GREM2: variants seen among roughly 807,000 people sequenced by gnomAD.
GREM2 encodes gremlin 2, DAN family BMP antagonist.
In GREM2, 11 loss-of-function variants were observed where a neutral mutation model predicts 14.2. The observed-to-expected ratio is 0.78, with a 90% CI of 0.49 to 1.28. The LOEUF (loss-of-function observed/expected upper bound fraction) is 1.28. GREM2 is among the 50% of genes most tolerant of loss of function. The pLI is 0.00. For synonymous variants in GREM2, 98 were observed against 97.6 expected (o/e 1.00, Z -0.02); for missense variants, 210 against 218.5 (o/e 0.96, Z 0.24).
chr1:240,517,963 G>A (rs144679043), intron 1 of GREM2, among the ~76,000 whole-genome samples: 12 of 152,228 alleles, frequency 7.9e-5, no homozygotes, highest in African/African-American at 2.9e-4. Context: ...ATTATAGCTA[G>A]GAACACACAT....
intron 1 of GREM2, among the ~76,000 whole-genome samples, chr1:240,514,966 A>AC (rs1491320841): frequency 1.1e-4 from 2 of 18,614 alleles, no homozygotes; most frequent in East Asian, 8.9e-3. Context: ...AAACAAACAC[A>AC]AAAAAAAAAC....
intron 1 of GREM2, among the ~76,000 whole-genome samples, chr1:240,573,822 T>G (rs1000182593): frequency 2.0e-5 from 3 of 152,132 alleles, no homozygotes; most frequent in Non-Finnish European, 4.4e-5. Flanking sequence ...ATAGCCTGAG[T>G]TGCGGGTAGA....
At position 240,494,809 on chromosome 1, in the gene GREM2, GAGA is replaced by G. The variant is rs565026117; in HGVS notation, c.-1-1336_-1-1334del. Among the ~76,000 whole-genome samples, 1,504 of 152,300 alleles carry G rather than the reference GAGA, an allele frequency of 9.9e-3. 11 individuals carry two copies. Among genetic ancestry groups the G allele is most frequent in the Non-Finnish European group, 0.015 (1,024 of 68,034 alleles). On this transcript the variant is annotated intron_variant, in intron 1 of 1. Transcript: ENST00000318160. Reference sequence around the variant, plus strand: ...CCAGCTACTTGGGAGGCTGAGGCAGGAGAATGGCGTGAACCCGGGAGGCGGAGC... The same window carrying G: ...CCAGCTACTTGGGAGGCTGAGGCAGGATGGCGTGAACCCGGGAGGCGGAGC...
intron 1 of GREM2, among the ~76,000 whole-genome samples, chr1:240,545,990 G>A (rs1273096067): frequency 1.3e-5 from 2 of 152,184 alleles, no homozygotes; most frequent in East Asian, 1.9e-4. Context: ...AATTAACAAC[G>A]GTTAATTTTC....
chr1:240,598,244 T>C (rs556938359), intron 1 of GREM2, among the ~76,000 whole-genome samples: 2 of 152,346 alleles, frequency 1.3e-5, no homozygotes, highest in Admixed American at 1.3e-4. Flanking sequence ...AAAGGGACTT[T>C]TGGTAGCCAA....
At chr1:240,604,633 A>G (rs1270592918) in intron 1 of GREM2, among the ~76,000 whole-genome samples, 1 of 152,078 alleles carries the variant, frequency 6.6e-6, no homozygotes, top group East Asian at 1.9e-4. Flanking sequence ...TTTTTCTATC[A>G]AATGTCACAG....
At chr1:240,553,306 T>C (rs1353806095) in intron 1 of GREM2, among the ~76,000 whole-genome samples, 1 of 152,202 alleles carries the variant, frequency 6.6e-6, no homozygotes, top group Non-Finnish European at 1.5e-5. Flanking sequence ...AGCTATTCTC[T>C]GATTCTCTTG....
At chr1:240,578,848 C>T (rs1042009844) in intron 1 of GREM2, among the ~76,000 whole-genome samples, 4 of 151,914 alleles carry the variant, frequency 2.6e-5, no homozygotes, top group Admixed American at 1.3e-4. Context: ...TTTCAAGACT[C>T]TTCAGTAGAC....
intron 1 of GREM2, among the ~76,000 whole-genome samples, chr1:240,606,439 C>T (rs1219953751): frequency 6.6e-6 from 1 of 152,086 alleles, no homozygotes; most frequent in Non-Finnish European, 1.5e-5. Context: ...AAAACAATGC[C>T]ATAGATTTTC....
chr1:240,602,968 G>C (rs572716824), intron 1 of GREM2, among the ~76,000 whole-genome samples: 245 of 152,220 alleles, frequency 1.6e-3, no homozygotes, highest in African/African-American at 4.5e-3. Context: ...AGCTACTCGG[G>C]AGGCTGAGGC....
chr1:240,590,500 G>A (rs1039246420), intron 1 of GREM2, among the ~76,000 whole-genome samples: 34 of 151,316 alleles, frequency 2.2e-4, no homozygotes, highest in Non-Finnish European at 3.8e-4. Flanking sequence ...GGCGATCCTG[G>A]CTCACTGCAA....
rs973335682 is a variant in GREM2, at chr1:240,493,122, C to G, written c.354G>C (p.Gln118His). ...GCTGGGGCTTGCAGAAGGCGCAGGA[C>G]TGGAAGGACTCCTCCTCCTTCTTCA... ...RHVKKEEESF[Q>H]SCAFCKPQRV... Residue 118 changes from glutamine to histidine, a missense_variant, in exon 2 of 2, where the codon CAG (glutamine) becomes CAC (histidine). Transcript: ENST00000318160. The G allele has an allele frequency of 3.7e-6, 6 of 1,614,080 alleles. No individual in the cohort carries two copies. The highest frequency in any genetic ancestry group is 5.1e-6 in the Non-Finnish European group (6 of 1,180,040).
intron 1 of GREM2, among the ~76,000 whole-genome samples, chr1:240,562,898 G>C (rs1422145114): frequency 1.3e-5 from 2 of 150,886 alleles, no homozygotes; most frequent in African/African-American, 2.4e-5. Context: ...GAGTGTGTAT[G>C]TGTGTATGTA....
chr1:240,578,982 C>T (rs1679427259), intron 1 of GREM2, among the ~76,000 whole-genome samples: 1 of 152,098 alleles, frequency 6.6e-6, no homozygotes, highest in Non-Finnish European at 1.5e-5. Flanking sequence ...AAAACACCTT[C>T]ACATTCAGGT....
intron 1 of GREM2, among the ~76,000 whole-genome samples, chr1:240,572,714 A>C (rs1489538400): frequency 6.6e-6 from 1 of 152,228 alleles, no homozygotes; most frequent in African/African-American, 2.4e-5. Flanking sequence ...GGAAACCACC[A>C]GTTCAAAAAT....
chr1:240,519,839 G>C (rs1271940959), intron 1 of GREM2, among the ~76,000 whole-genome samples: 2 of 152,150 alleles, frequency 1.3e-5, no homozygotes, highest in African/African-American at 4.8e-5. Context: ...CCAGCACTTT[G>C]GGAGGCCGAG....
At chr1:240,571,849 G>T (rs1679268647) in intron 1 of GREM2, among the ~76,000 whole-genome samples, 1 of 152,134 alleles carries the variant, frequency 6.6e-6, no homozygotes, top group South Asian at 2.1e-4. Context: ...TCAAATTGAG[G>T]AATTTGAAAC....
intron 1 of GREM2, among the ~76,000 whole-genome samples, chr1:240,494,046 G>A (rs957102672): frequency 6.6e-6 from 1 of 152,288 alleles, no homozygotes; most frequent in African/African-American, 2.4e-5. Context: ...AACAGTTACA[G>A]AAGTACAAAG....
At position 240,493,482 on chromosome 1, in the gene GREM2, A is replaced by G. The variant is rs779627587; in HGVS notation, c.-1-6T>C. 6.3e-7 allele frequency: 1 copy of G among 1,596,678 alleles called. No individual in the cohort carries two copies. Among genetic ancestry groups the G allele is most frequent in the Non-Finnish European group, 8.5e-7 (1 of 1,170,726 alleles). On this transcript the variant is annotated splice_region_variant and splice_polypyrimidine_tract_variant and intron_variant, in intron 1 of 1. Transcript: ENST00000318160. ...GGGAAAGCTTCCAGAACATCCTGCA[A>G]ACGAGAAAAGAGAGGGGCTGGCTGT... is the stretch of plus-strand genomic sequence containing the variant.
Sources: allele counts gnomAD v4.1 joint callset (sites outside exome capture counted in the v4.1 genomes callset), GRCh38; gene constraint gnomAD v4.1.1; transcripts MANE v1.5; gene names NCBI Gene and HGNC (gene_info 2026-07-23, HGNC 2026-07-21).